Variants in GRID2 observed in about 807,000 individuals in gnomAD.
The protein encoded by GRID2 is glutamate ionotropic receptor delta type subunit 2, also known as glutamate receptor ionotropic, delta-2.
A neutral mutation model predicts 114.8 loss-of-function variants in GRID2; 33 were observed. The ratio of observed to expected loss-of-function variants is 0.29; its 90% CI spans 0.22 to 0.38. The LOEUF is 0.38. GRID2 is among the 10% of genes least tolerant of loss of function. The pLI, the probability that GRID2 is intolerant of heterozygous loss-of-function variation, is 1.00. For synonymous variants in GRID2, 505 were observed against 449.9 expected (o/e 1.12, Z -1.55); for missense variants, 1,184 against 1,257.7 (o/e 0.94, Z 0.89).
At chr4:93,111,198 G>C (rs1672615672) in intron 4 of GRID2, among the ~76,000 whole-genome samples, 1 of 152,134 alleles carries the variant, frequency 6.6e-6, no homozygotes. Context: ...ATTTTAAGAA[G>C]TCTTATAGAA....
chr4:93,195,513 G>A (rs765261040), intron 4 of GRID2, among the ~76,000 whole-genome samples: 3 of 152,124 alleles, frequency 2.0e-5, no homozygotes, highest in African/African-American at 7.2e-5. Flanking sequence ...CATATTCCAG[G>A]TTATATTTGT....
chr4:92,310,954 T>C (rs1725673956), intron 1 of GRID2, among the ~76,000 whole-genome samples: 1 of 152,130 alleles, frequency 6.6e-6, no homozygotes, highest in South Asian at 2.1e-4. Flanking sequence ...ATTGAAGATG[T>C]CTTTGTTGCA....
At chr4:93,039,971 C>G (rs1347968386) in intron 2 of GRID2, among the ~76,000 whole-genome samples, 1 of 152,130 alleles carries the variant, frequency 6.6e-6, no homozygotes, top group African/African-American at 2.4e-5. Flanking sequence ...CCGCTTCTTT[C>G]TCTGGATTGT....
intron 13 of GRID2, among the ~76,000 whole-genome samples, chr4:93,521,344 A>T (rs948422006): frequency 6.6e-6 from 1 of 152,168 alleles, no homozygotes; most frequent in African/African-American, 2.4e-5. Context: ...AAAACATATA[A>T]ACACAATTTA....
At chr4:92,793,468 A>G (rs1578198932) in intron 2 of GRID2, among the ~76,000 whole-genome samples, 1 of 151,820 alleles carries the variant, frequency 6.6e-6, no homozygotes, top group East Asian at 2.0e-4. Flanking sequence ...TGGGAGATGA[A>G]ATAATTTGTA....
chr4:92,673,839 G>T (rs116639570), intron 2 of GRID2, among the ~76,000 whole-genome samples: 61 of 152,094 alleles, frequency 4.0e-4, no homozygotes, highest in East Asian at 1.4e-3. Flanking sequence ...GGGGAGGAAG[G>T]GGGGAGGGAT....
intron 2 of GRID2, among the ~76,000 whole-genome samples, chr4:92,777,173 C>A (rs2149356095): frequency 6.6e-6 from 1 of 151,166 alleles, no homozygotes; most frequent in South Asian, 2.1e-4. Flanking sequence ...AAATCTTTTT[C>A]AGTTTTAGAG....
chr4:92,698,798 T>G (rs1386762021), intron 2 of GRID2, among the ~76,000 whole-genome samples: 1 of 152,082 alleles, frequency 6.6e-6, no homozygotes, highest in Non-Finnish European at 1.5e-5. Context: ...AGAGAAGTGT[T>G]TCTTATATTC....
intron 2 of GRID2, among the ~76,000 whole-genome samples, chr4:92,680,886 G>A (rs1387737732): frequency 6.6e-6 from 1 of 152,168 alleles, no homozygotes; most frequent in African/African-American, 2.4e-5. Flanking sequence ...TAGGTGATTG[G>A]AAATGTAAAG....
chr4:93,551,663 A>G (rs1047993332), intron 13 of GRID2, among the ~76,000 whole-genome samples: 1 of 152,206 alleles, frequency 6.6e-6, no homozygotes, highest in Non-Finnish European at 1.5e-5. Context: ...TAAAGCCTGT[A>G]ACTCTTAATC....
intron 12 of GRID2, among the ~76,000 whole-genome samples, chr4:93,502,018 T>C (rs1202576243): frequency 6.6e-6 from 1 of 151,656 alleles, no homozygotes; most frequent in Non-Finnish European, 1.5e-5. Context: ...ATAGATATGG[T>C]TAAAAAAAGA....
At chr4:92,465,511 A>T (rs1303913323) in intron 1 of GRID2, among the ~76,000 whole-genome samples, 1 of 152,140 alleles carries the variant, frequency 6.6e-6, no homozygotes, top group African/African-American at 2.4e-5. Context: ...ATTCACAATT[A>T]TATACCAGTA....
chr4:92,407,772 T>C (rs377662577), intron 1 of GRID2, among the ~76,000 whole-genome samples: 4 of 152,158 alleles, frequency 2.6e-5, no homozygotes, highest in African/African-American at 9.7e-5. Flanking sequence ...CATTTTTAAA[T>C]TGGATTATGT....
At chr4:93,063,693 G>A (rs1045513280) in intron 2 of GRID2, among the ~76,000 whole-genome samples, 1 of 151,684 alleles carries the variant, frequency 6.6e-6, no homozygotes, top group Non-Finnish European at 1.5e-5. Context: ...AAAAGTAACT[G>A]TCTTTTAATA....
At chr4:93,098,532 A>G (rs1311408611) in intron 3 of GRID2, among the ~76,000 whole-genome samples, 2 of 152,028 alleles carry the variant, frequency 1.3e-5, no homozygotes, top group African/African-American at 4.8e-5. Context: ...AGAATAGAAA[A>G]ATAGTAGGTA....
intron 2 of GRID2, among the ~76,000 whole-genome samples, chr4:92,929,848 G>C (rs1243486953): frequency 6.6e-6 from 1 of 151,064 alleles, no homozygotes; most frequent in East Asian, 1.9e-4. Context: ...TTTTAAAAAA[G>C]GTTAATATGT....
chr4:92,375,264 A>ATG (rs2110225920), intron 1 of GRID2, among the ~76,000 whole-genome samples: 1 of 152,304 alleles, frequency 6.6e-6, no homozygotes, highest in African/African-American at 2.4e-5. Context: ...ACATAGAATC[A>ATG]TGTTCATGAA....
intron 2 of GRID2, among the ~76,000 whole-genome samples, chr4:92,902,826 C>T (rs1449947430): frequency 6.6e-6 from 1 of 151,746 alleles, no homozygotes; most frequent in African/African-American, 2.4e-5. Context: ...TTTCTGGATT[C>T]TCTGTTCTAG....
chr4:92,665,112 G>T (rs1196782353), intron 2 of GRID2, among the ~76,000 whole-genome samples: 1 of 147,916 alleles, frequency 6.8e-6, no homozygotes, highest in Admixed American at 6.8e-5. Flanking sequence ...CTGATTTTTT[G>T]CATTACTGTC....
Sources: allele counts gnomAD v4.1 joint callset (sites outside exome capture counted in the v4.1 genomes callset), GRCh38; gene constraint gnomAD v4.1.1; transcripts MANE v1.5; gene names NCBI Gene and HGNC (gene_info 2026-07-23, HGNC 2026-07-21).